DGKB: variants seen among roughly 807,000 people sequenced by gnomAD.
The protein encoded by DGKB is diacylglycerol kinase beta.
A neutral mutation model predicts 114.3 loss-of-function variants in DGKB; 67 were observed. The observed-to-expected ratio is 0.59, with a 90% confidence interval of 0.48 to 0.72. DGKB has a LOEUF of 0.72. Ranked by LOEUF, DGKB falls within the 30% of genes least tolerant of loss-of-function variation. DGKB has a pLI of 0.00. For missense variants in DGKB, 907 were observed against 975.2 expected, an observed-to-expected ratio of 0.93 and a Z score of 0.93; for synonymous variants, 398 against 323.1, an observed-to-expected ratio of 1.23 and a Z score of -2.49.
chr7:14,968,028 A>G (rs1787263316), intron 1 of DGKB, among the ~76,000 whole-genome samples: 2 of 152,176 alleles, frequency 1.3e-5, no homozygotes, highest in African/African-American at 4.8e-5. Flanking sequence ...GCCACACTCC[A>G]TATAGTAGAG....
chr7:14,429,923 TCC>T (rs11299453), intron 21 of DGKB, among the ~76,000 whole-genome samples: 12 of 147,702 alleles, frequency 8.1e-5, no homozygotes, highest in African/African-American at 2.0e-4. Flanking sequence ...TGAGACTCTG[TCC>T]CCCCCCCCAA....
At position 14,404,597 on chromosome 7, in the gene DGKB, T is replaced by C. The variant is rs538732295; in HGVS notation, c.1836-59206A>G. On this transcript the variant is annotated intron_variant, in intron 21 of 25. Transcript: ENST00000402815. Reference sequence around the variant, plus strand: ...CTGTGCCAGAATCTAAGCCTAATTATGGAAATAGAGCTGCAGCCTCGTTTT... The same window carrying C: ...CTGTGCCAGAATCTAAGCCTAATTACGGAAATAGAGCTGCAGCCTCGTTTT... Among the ~76,000 whole-genome samples the C allele has an allele frequency of 2.6e-5, 4 of 152,090 alleles. No homozygotes were observed. In the East Asian group the frequency reaches 7.7e-4, roughly 29 times the overall value.
intron 21 of DGKB, among the ~76,000 whole-genome samples, chr7:14,464,829 G>A (rs1363513634): frequency 6.6e-6 from 1 of 152,162 alleles, no homozygotes; most frequent in Admixed American, 6.5e-5. Context: ...GGCAGAGAAT[G>A]CTTTTTGACC....
At chr7:14,937,318 T>G (rs917602037) in intron 1 of DGKB, among the ~76,000 whole-genome samples, 4 of 152,118 alleles carry the variant, frequency 2.6e-5, no homozygotes, top group African/African-American at 9.6e-5. Context: ...ACGCTCTCCT[T>G]TCAAAGAAAG....
chr7:14,634,481 T>TACACACACACACACAC (rs34758174), intron 13 of DGKB, among the ~76,000 whole-genome samples: 5 of 145,152 alleles, frequency 3.4e-5, no homozygotes, highest in African/African-American at 7.6e-5. Flanking sequence ...TACAAAGTGA[T>TACACACACACACACAC]ACACACACAC....
At chr7:14,761,917 T>C (rs1835755542) in intron 2 of DGKB, among the ~76,000 whole-genome samples, 2 of 152,108 alleles carry the variant, frequency 1.3e-5, no homozygotes, top group South Asian at 4.1e-4. Flanking sequence ...CACAAAAGAT[T>C]GGGTCTCCTG....
At chr7:14,399,181 A>G (rs1822710218) in intron 21 of DGKB, among the ~76,000 whole-genome samples, 1 of 151,502 alleles carries the variant, frequency 6.6e-6, no homozygotes, top group Admixed American at 6.6e-5. Context: ...CTACTACTAG[A>G]ATAAAAGTGG....
chr7:14,230,765 A>G (rs1345792775), intron 23 of DGKB, among the ~76,000 whole-genome samples: 1 of 152,062 alleles, frequency 6.6e-6, no homozygotes, highest in Non-Finnish European at 1.5e-5. Context: ...TCTATAAAGA[A>G]CCATTCTCTA....
chr7:14,768,242 G>A (rs1836766110), intron 2 of DGKB, among the ~76,000 whole-genome samples: 1 of 151,848 alleles, frequency 6.6e-6, no homozygotes, highest in Admixed American at 6.6e-5. Context: ...TGGTATGTCC[G>A]GAGGCATGAA....
intron 20 of DGKB, among the ~76,000 whole-genome samples, chr7:14,551,875 A>G (rs1005811891): frequency 6.6e-6 from 1 of 152,132 alleles, no homozygotes; most frequent in Non-Finnish European, 1.5e-5. Flanking sequence ...TGTTACTGCA[A>G]TCTGTCTCAC....
chr7:14,701,597 T>C (rs1313808210), intron 7 of DGKB, 84 bp downstream of exon 7: 2 of 956,980 alleles, frequency 2.1e-6, no homozygotes, highest in Admixed American at 3.6e-5. Context: ...GTGCCTTCTG[T>C]GGTAATAACT....
intron 22 of DGKB, among the ~76,000 whole-genome samples, chr7:14,343,200 A>ACACACACAC (rs1562972962): frequency 0.014 from 757 of 54,638 alleles, 9 homozygotes; most frequent in African/African-American, 0.035. Context: ...CACACACACA[A>ACACACACAC]CAAGATATGC....
intron 1 of DGKB, among the ~76,000 whole-genome samples, chr7:14,880,513 A>G (rs1185679651): frequency 6.6e-6 from 1 of 152,158 alleles, no homozygotes; most frequent in Non-Finnish European, 1.5e-5. Context: ...AGATGAAGCA[A>G]TGGATTGCTA....
intron 17 of DGKB, among the ~76,000 whole-genome samples, chr7:14,590,066 C>G (rs1376766994): frequency 6.6e-6 from 1 of 151,144 alleles, no homozygotes; most frequent in East Asian, 2.0e-4. Flanking sequence ...TGCTAGATGA[C>G]ACGTTAGTGG....
At chr7:14,210,758 T>C (rs1787630037) in intron 23 of DGKB, among the ~76,000 whole-genome samples, 1 of 152,078 alleles carries the variant, frequency 6.6e-6, no homozygotes, top group African/African-American at 2.4e-5. Flanking sequence ...AGAAAATCAG[T>C]GGGATTGCTT....
chr7:14,958,666 C>T lies in DGKB; in HGVS notation c.-188+16030G>A, dbSNP rs182461858. Among the ~76,000 whole-genome samples, 202 of 151,970 alleles carry T rather than the reference C, an allele frequency of 1.3e-3. 1 individual carries two copies. The highest frequency in any genetic ancestry group is 4.6e-3 in the African/African-American group (190 of 41,536). On this transcript the variant is annotated intron_variant, in intron 1 of 4. Transcript: ENST00000437998. Reference sequence around the variant, plus strand: ...CTTTTCAACTCTAGCCTGTTTGTGGCATATGACTGCGGGAGTATTATGCAC... The same window carrying T: ...CTTTTCAACTCTAGCCTGTTTGTGGTATATGACTGCGGGAGTATTATGCAC...
chr7:14,328,722 G>A lies in DGKB; in HGVS notation c.2122+9793C>T, dbSNP rs187517259. Among the ~76,000 whole-genome samples, 116 of 152,080 alleles carry A rather than the reference G, an allele frequency of 7.6e-4. 1 individual carries two copies. The highest frequency in any genetic ancestry group is 2.7e-3 in the African/African-American group (114 of 41,528). ...AAAATAACAGTGCAGCATTCAGCAG[G>A]TATTTGAACTTTCTAAAAAATGCTC... On this transcript the variant is annotated intron_variant, in intron 23 of 25. Coordinates refer to ENST00000402815, the MANE Select transcript of DGKB (RefSeq NM_001350709.2).
At chr7:14,838,871 C>T (rs185688114) in intron 2 of DGKB, among the ~76,000 whole-genome samples, 1 of 152,300 alleles carries the variant, frequency 6.6e-6, no homozygotes, top group African/African-American at 2.4e-5. Context: ...TCACTCCCTT[C>T]AATTGTGATG....
At chr7:14,465,622 A>G (rs1833717902) in intron 21 of DGKB, among the ~76,000 whole-genome samples, 5 of 152,182 alleles carry the variant, frequency 3.3e-5, no homozygotes, top group Admixed American at 3.3e-4. Context: ...CATTAGTATC[A>G]ATCCTCATTA....
Sources: gnomAD v4.1 joint callset for allele counts (sites outside exome capture counted in the v4.1 genomes callset) on GRCh38, gnomAD v4.1.1 for gene constraint, MANE v1.5 for transcripts, NCBI Gene and HGNC (gene_info 2026-07-23, HGNC 2026-07-21) for gene names.